JPH1: variants seen among roughly 807,000 people sequenced by gnomAD.
JPH1 encodes junctophilin 1.
In JPH1, 12 loss-of-function variants were observed where a neutral mutation model predicts 53.6. The ratio of observed to expected loss-of-function variants is 0.22; its 90% CI spans 0.14 to 0.36. JPH1 has a LOEUF of 0.36. Ranked by LOEUF, JPH1 falls within the 10% of genes least tolerant of loss-of-function variation. The probability of loss-of-function intolerance (pLI) is 1.00; values close to 1 mark genes in which losing one functional copy is unlikely to be tolerated. For missense variants in JPH1, 808 were observed against 905.5 expected, an observed-to-expected ratio of 0.89 and a Z score of 1.38; for synonymous variants, 375 against 363.8, an observed-to-expected ratio of 1.03 and a Z score of -0.35.
chr8:74,252,050 T>C (rs1474981089), intron 3 of JPH1, among the ~76,000 whole-genome samples: 1 of 152,132 alleles, frequency 6.6e-6, no homozygotes, highest in Non-Finnish European at 1.5e-5. Context: ...TTGACAAACC[T>C]GACAAAAACA....
chr8:74,260,850 C>CT (rs1806376653), intron 2 of JPH1, among the ~76,000 whole-genome samples: 1 of 152,194 alleles, frequency 6.6e-6, no homozygotes, highest in Admixed American at 6.5e-5. Flanking sequence ...CTAAGCAAGC[C>CT]TGAAGGCTTG....
At chr8:74,246,087 A>T (rs1805853481) in intron 3 of JPH1, among the ~76,000 whole-genome samples, 1 of 152,112 alleles carries the variant, frequency 6.6e-6, no homozygotes, top group Non-Finnish European at 1.5e-5. Flanking sequence ...TAGGGCCTTC[A>T]GCTCTCAGCA....
chr8:74,308,490 G>A (rs1807902365), intron 2 of JPH1, among the ~76,000 whole-genome samples: 1 of 152,184 alleles, frequency 6.6e-6, no homozygotes, highest in Non-Finnish European at 1.5e-5. Flanking sequence ...TAGGAGCACT[G>A]GCAGTGGTAA....
At chr8:74,275,870 C>T (rs1429605620) in intron 2 of JPH1, among the ~76,000 whole-genome samples, 1 of 152,170 alleles carries the variant, frequency 6.6e-6, no homozygotes, top group Non-Finnish European at 1.5e-5. Flanking sequence ...CTCTTTCTTA[C>T]GTCAGAATCA....
intron 2 of JPH1, among the ~76,000 whole-genome samples, chr8:74,274,531 C>T (rs1197079453): frequency 6.6e-6 from 1 of 152,178 alleles, no homozygotes; most frequent in Non-Finnish European, 1.5e-5. Context: ...TTCTAAGCTG[C>T]ACCTCCCTTT....
chr8:74,266,528 G>C (rs896286560), intron 2 of JPH1, among the ~76,000 whole-genome samples: 8 of 152,190 alleles, frequency 5.3e-5, no homozygotes, highest in African/African-American at 1.9e-4. Flanking sequence ...GTAATTTCCA[G>C]GGGGTTGGAG....
intron 3 of JPH1, among the ~76,000 whole-genome samples, chr8:74,254,440 C>T (rs1193496507): frequency 3.3e-5 from 5 of 152,078 alleles, no homozygotes; most frequent in Admixed American, 1.3e-4. Flanking sequence ...CAATATCATA[C>T]TGAATGGGCA....
intron 2 of JPH1, among the ~76,000 whole-genome samples, chr8:74,283,161 C>T (rs1185568896): frequency 6.6e-6 from 1 of 151,976 alleles, no homozygotes; most frequent in African/African-American, 2.4e-5. Context: ...GTACATATGG[C>T]TGCATGGATA....
intron 3 of JPH1, among the ~76,000 whole-genome samples, chr8:74,257,946 T>C (rs2977043): frequency 6.6e-6 from 1 of 152,014 alleles, no homozygotes; most frequent in African/African-American, 2.4e-5. Flanking sequence ...GGCCTTTTAC[T>C]GTCTTCTTTC....
intron 1 of JPH1, among the ~76,000 whole-genome samples, chr8:74,319,148 C>T (rs1808243238): frequency 6.6e-6 from 1 of 152,006 alleles, no homozygotes; most frequent in Non-Finnish European, 1.5e-5. Context: ...ACACAGACAG[C>T]CTCTACTGTG....
chr8:74,308,639 A>G (rs939539009), intron 2 of JPH1, among the ~76,000 whole-genome samples: 1 of 152,184 alleles, frequency 6.6e-6, no homozygotes, highest in African/African-American at 2.4e-5. Flanking sequence ...ATCCTTCCCA[A>G]TCTAGTTGGG....
At chr8:74,299,407 C>T (rs1255841898) in intron 2 of JPH1, among the ~76,000 whole-genome samples, 1 of 152,144 alleles carries the variant, frequency 6.6e-6, no homozygotes, top group Non-Finnish European at 1.5e-5. Context: ...GAGTTGTATA[C>T]AGATTGTAGC....
intron 2 of JPH1, among the ~76,000 whole-genome samples, chr8:74,299,489 G>A (rs1390230752): frequency 2.0e-5 from 3 of 152,166 alleles, no homozygotes; most frequent in Non-Finnish European, 4.4e-5. Context: ...GTTCAAATAA[G>A]GCAAATGACG....
chr8:74,245,214 G>GGT (rs1188088104), intron 3 of JPH1, 39 bp from the exon 4 acceptor site: 1 of 1,514,174 alleles, frequency 6.6e-7, no homozygotes, highest in East Asian at 2.3e-5. Flanking sequence ...AAAGAAAGGA[G>GGT]GTATATATAC....
At chr8:74,266,833 G>A (rs1333301581) in intron 2 of JPH1, among the ~76,000 whole-genome samples, 7 of 152,238 alleles carry the variant, frequency 4.6e-5, no homozygotes, top group East Asian at 3.9e-4. Context: ...ACCCAGCCCT[G>A]GCATGCTAAG....
At chr8:74,275,682 C>A (rs924562112) in intron 2 of JPH1, among the ~76,000 whole-genome samples, 1 of 152,180 alleles carries the variant, frequency 6.6e-6, no homozygotes, top group East Asian at 1.9e-4. Flanking sequence ...GGATCAAGAA[C>A]CTGCCTTGGA....
Position 74,272,285 on chromosome 8 carries a change from T to C in JPH1, c.1140-12782A>G, listed in dbSNP as rs1037489593. The stretch of plus-strand genomic sequence containing the variant: ...GAAATGCTTTTACATTATTTGCTAC[T>C]CTGGGCACACAGGTAATTCTGCCTA... On this transcript the variant is annotated intron_variant, in intron 2 of 5. Transcript: ENST00000342232. 3.3e-5 allele frequency among the ~76,000 whole-genome samples: 5 copies of C among 152,218 alleles called. 1 individual carries two copies. The highest frequency in any genetic ancestry group is 1.3e-4 in the Admixed American group (2 of 15,284).
At chr8:74,287,251 G>A (rs1204160279) in intron 2 of JPH1, among the ~76,000 whole-genome samples, 1 of 152,102 alleles carries the variant, frequency 6.6e-6, no homozygotes, top group Non-Finnish European at 1.5e-5. Context: ...GGCCAACATG[G>A]TGAAACCCTG....
chr8:74,256,204 A>C (rs1806222423), intron 3 of JPH1, among the ~76,000 whole-genome samples: 1 of 152,182 alleles, frequency 6.6e-6, no homozygotes, highest in South Asian at 2.1e-4. Context: ...GTGGAATACT[A>C]TGCAGCCATA....
Sources: gnomAD v4.1 joint callset for allele counts (sites outside exome capture counted in the v4.1 genomes callset) on GRCh38, gnomAD v4.1.1 for gene constraint, MANE v1.5 for transcripts, NCBI Gene and HGNC (gene_info 2026-07-23, HGNC 2026-07-21) for gene names.